The following KCNH5 variants were observed in gnomAD, a reference collection of about 807,000 sequenced individuals.
The protein encoded by KCNH5 is potassium voltage-gated channel subfamily H member 5.
KCNH5 carries 46 observed loss-of-function variants against 96.1 expected under a neutral mutation model. That is an observed-to-expected ratio of 0.48 (90% confidence interval 0.38 to 0.61). The LOEUF is 0.61. Among genes scored for constraint, KCNH5 ranks in the 20% least tolerant of loss-of-function variants. The pLI is 0.00. For synonymous variants in KCNH5, 439 were observed against 449.8 expected, an observed-to-expected ratio of 0.98 and a Z score of 0.30; for missense variants, 907 against 1,225.8, an observed-to-expected ratio of 0.74 and a Z score of 3.88.
intron 9 of KCNH5, among the ~76,000 whole-genome samples, chr14:62,795,132 A>G (rs1373162670): frequency 6.6e-6 from 1 of 152,144 alleles, no homozygotes. Flanking sequence ...TAACAGATCT[A>G]AACTAAAGTT....
At chr14:62,832,154 C>A (rs1008003736) in intron 8 of KCNH5, among the ~76,000 whole-genome samples, 2 of 152,056 alleles carry the variant, frequency 1.3e-5, no homozygotes, top group African/African-American at 4.8e-5. Context: ...GAATGTTTAA[C>A]ATGAAATTTA....
chr14:62,915,272 C>G (rs1410072943), intron 7 of KCNH5, among the ~76,000 whole-genome samples: 1 of 152,318 alleles, frequency 6.6e-6, no homozygotes, highest in African/African-American at 2.4e-5. Context: ...TTCTTCCCTT[C>G]CTGTTTCTTG....
In KCNH5 at chr14:62,747,033, A is replaced by G. The variant is rs1255686469; in HGVS notation, c.2019+32695T>C. On this transcript the variant is annotated intron_variant, in intron 10 of 10. Transcript: ENST00000322893. ...CAATTCAAATTTAGTTTGAGGCTGT[A>G]AATAAAAAAGCAAACTCAGGCCGGA... Among the ~76,000 whole-genome samples, 3 of 152,244 alleles carry G rather than the reference A, an allele frequency of 2.0e-5. No individual in the cohort carries two copies. In the East Asian group the frequency reaches 5.8e-4, roughly 29 times the overall value.
At chr14:62,844,745 A>C (rs2140040648) in intron 8 of KCNH5, among the ~76,000 whole-genome samples, 1 of 152,342 alleles carries the variant, frequency 6.6e-6, no homozygotes, top group South Asian at 2.1e-4. Context: ...GAAATGCTGC[A>C]ATCTCCACAT....
intron 9 of KCNH5, among the ~76,000 whole-genome samples, chr14:62,798,579 G>A (rs1886586060): frequency 6.6e-6 from 1 of 152,262 alleles, no homozygotes; most frequent in East Asian, 1.9e-4. Context: ...AAAAGGTGGA[G>A]GTGTAGGAAC....
intron 8 of KCNH5, among the ~76,000 whole-genome samples, chr14:62,832,906 G>C (rs1887385547): frequency 6.6e-6 from 1 of 152,080 alleles, no homozygotes; most frequent in South Asian, 2.1e-4. Context: ...TCAGCCATTT[G>C]TATGTTTTCT....
intron 10 of KCNH5, among the ~76,000 whole-genome samples, chr14:62,763,018 A>C (rs931757046): frequency 6.6e-6 from 1 of 152,150 alleles, no homozygotes. Context: ...TTTAGGACCT[A>C]AATTCAACAC....
intron 1 of KCNH5, among the ~76,000 whole-genome samples, chr14:63,028,046 T>C (rs1034795738): frequency 1.3e-5 from 2 of 152,116 alleles, no homozygotes; most frequent in African/African-American, 4.8e-5. Flanking sequence ...CATAGCCCAA[T>C]GAAGGGGTGT....
At chr14:62,802,215 G>A in intron 9 of KCNH5, 114 bp downstream of exon 9, 1 of 984,474 alleles carries the variant, frequency 1.0e-6, no homozygotes, top group Non-Finnish European at 1.5e-6. Context: ...TCTCATTAGT[G>A]ACCCAATTTC....
intron 4 of KCNH5, among the ~76,000 whole-genome samples, chr14:62,991,272 CAT>C (rs1199955871): frequency 1.3e-5 from 2 of 151,908 alleles, no homozygotes; most frequent in Non-Finnish European, 2.9e-5. Flanking sequence ...TAGGTATTAG[CAT>C]AGCTTATATG....
intron 8 of KCNH5, among the ~76,000 whole-genome samples, chr14:62,819,521 G>A (rs1482356880): frequency 6.6e-6 from 1 of 152,150 alleles, no homozygotes; most frequent in African/African-American, 2.4e-5. Context: ...TGATGAAAAT[G>A]TTCTGGAATT....
chr14:62,853,494 A>ATATATATGATATATATATATATATATATG (rs375695583), intron 7 of KCNH5, among the ~76,000 whole-genome samples: 34 of 102,116 alleles, frequency 3.3e-4, no homozygotes, highest in African/African-American at 1.0e-3. Context: ...ATATATATAT[A>ATATATATGATATATATATATATATATATG]ATCTTGGCCA....
chr14:62,727,698 A>C (rs1884960082), intron 10 of KCNH5, among the ~76,000 whole-genome samples: 2 of 151,320 alleles, frequency 1.3e-5, no homozygotes, highest in African/African-American at 2.4e-5. Context: ...CATTTATAGG[A>C]GCCCCTAATC....
At chr14:62,860,857 A>G (rs1440359444) in intron 7 of KCNH5, among the ~76,000 whole-genome samples, 1 of 152,224 alleles carries the variant, frequency 6.6e-6, no homozygotes, top group African/African-American at 2.4e-5. Flanking sequence ...GTGCAATGCT[A>G]TCTATGCCAA....
intron 7 of KCNH5, among the ~76,000 whole-genome samples, chr14:62,934,162 C>A (rs1229449311): frequency 3.4e-5 from 5 of 148,020 alleles, no homozygotes; most frequent in African/African-American, 1.0e-4. Context: ...GATAGAGTCT[C>A]ACTCTGTCAC....
At chr14:62,964,238 T>C (rs1890264662) in intron 6 of KCNH5, among the ~76,000 whole-genome samples, 2 of 152,138 alleles carry the variant, frequency 1.3e-5, no homozygotes, top group East Asian at 3.8e-4. Flanking sequence ...GGTACCACTG[T>C]TATTTGTGCT....
In KCNH5 at chr14:62,960,486, T is replaced by C. The variant is rs1203751427; in HGVS notation, c.943-9927A>G. On this transcript the variant is annotated intron_variant, in intron 6 of 10. Coordinates refer to ENST00000322893, the MANE Select transcript of KCNH5 (RefSeq NM_139318.5). ...TAATTTCTGATTCCTCCAGCACTGA[T>C]ACCATAATCAATAATTAATAGCTGC... Among the ~76,000 whole-genome samples, 9 of 152,288 alleles carry C rather than the reference T, an allele frequency of 5.9e-5. No individual in the cohort carries two copies. The East Asian group carries it at 1.7e-3, about 29-fold the overall frequency.
At chr14:62,934,191 G>A (rs1889634352) in intron 7 of KCNH5, among the ~76,000 whole-genome samples, 1 of 150,804 alleles carries the variant, frequency 6.6e-6, no homozygotes, top group Non-Finnish European at 1.5e-5. Flanking sequence ...GAGTGCAGTG[G>A]CATGATCTCA....
At position 62,705,594 on chromosome 14, in the gene KCNH5, C is replaced by T. The variant is rs1265453939; in HGVS notation, c.*1914G>A. ...TCCATTATGGTTAATGGAAGTTATA[C>T]GCATAAAGAAAGGAAAATGGAGCCC... is the stretch of plus-strand genomic sequence containing the variant. On this transcript the variant is annotated 3_prime_UTR_variant, in exon 11 of 11. Transcript: ENST00000322893. 2 of 151,866 alleles carry T rather than the reference C, an allele frequency of 1.3e-5. No homozygotes were observed. Among genetic ancestry groups the T allele is most frequent in the African/African-American group, 2.4e-5 (1 of 41,370 alleles). The allele number at this position is 151,866 out of a possible 1,614,324, so 9.4% of individuals were successfully genotyped here. A position where few individuals can be genotyped will look rare whatever the true frequency, so the allele number is the denominator to read the frequency against.
Sources: gnomAD v4.1 joint callset for allele counts (sites outside exome capture counted in the v4.1 genomes callset) on GRCh38, gnomAD v4.1.1 for gene constraint, MANE v1.5 for transcripts, NCBI Gene and HGNC (gene_info 2026-07-23, HGNC 2026-07-21) for gene names.